The following PCDH15 variants were observed in gnomAD, a reference collection of about 807,000 sequenced individuals.
PCDH15 encodes the protein protocadherin related 15, also known as protocadherin-15.
A neutral mutation model predicts 178.5 loss-of-function variants in PCDH15; 129 were observed. That is an observed-to-expected ratio of 0.72 (90% CI 0.63 to 0.84). The LOEUF (loss-of-function observed/expected upper bound fraction) is 0.84. Among genes scored for constraint, PCDH15 ranks in the 40% least tolerant of loss-of-function variants. PCDH15 has a pLI of 0.00. For synonymous variants in PCDH15, 800 were observed against 732.0 expected (o/e 1.09, Z -1.50); for missense variants, 2,230 against 2,099.9 (o/e 1.06, Z -1.21).
rs1206337816 is a variant in PCDH15 at position 54,245,933 on chromosome 10, A to T, written c.877-9002T>A. Among the ~76,000 whole-genome samples the T allele has an allele frequency of 2.0e-5, 3 of 152,082 alleles. 1 individual carries two copies. The East Asian group carries it at 5.8e-4, about 29-fold the overall frequency. On this transcript the variant is annotated intron_variant, in intron 8 of 37. Transcript: ENST00000644397. ...TTCTTATTCAAGTACAACCTATGAG[A>T]TACCTTCATAAATCAATAGTTCACA...
intron 3 of PCDH15, among the ~76,000 whole-genome samples, chr10:54,516,922 A>G (rs1291219496): frequency 6.6e-6 from 1 of 152,136 alleles, no homozygotes; most frequent in African/African-American, 2.4e-5. Context: ...TCTTAAAGAA[A>G]AGAATTTTCA....
chr10:54,113,018 T>C (rs1438266072), intron 15 of PCDH15, among the ~76,000 whole-genome samples: 2 of 152,280 alleles, frequency 1.3e-5, no homozygotes, highest in South Asian at 2.1e-4. Context: ...TTTCTAGCAC[T>C]CTAAATCCTG....
chr10:55,527,255 T>C lies in PCDH15; in HGVS notation c.-156+100370A>G, dbSNP rs78710624. 3.1e-3 allele frequency among the ~76,000 whole-genome samples: 474 copies of C among 152,174 alleles called. 1 individual carries two copies. Among genetic ancestry groups the C allele is most frequent in the African/African-American group, 0.01 (435 of 41,554 alleles). On this transcript the variant is annotated intron_variant, in intron 2 of 5. Coordinates refer to the PCDH15 transcript ENST00000613346. ...AGAGAAACATATTGTCTCACAGTTC[T>C]GGTGGCTAGAAATCCAAGGTTAAGG...
rs1319697694 is a variant in PCDH15, at chr10:54,307,048, A to G, written c.876+10223T>C. Reference sequence around the variant, plus strand: ...TATATATGTGTGTGTGTGTATATATATATATATATATATATATATATATAT... The same window carrying G: ...TATATATGTGTGTGTGTGTATATATGTATATATATATATATATATATATAT... On this transcript the variant is annotated intron_variant, in intron 8 of 37. Coordinates refer to ENST00000644397, the MANE Select transcript of PCDH15 (RefSeq NM_001384140.1). Among the ~76,000 whole-genome samples the G allele has an allele frequency of 2.5e-3, 22 of 8,814 alleles. 1 individual carries two copies. The highest frequency in any genetic ancestry group is 4.5e-3 in the South Asian group (1 of 222). 5.8% of individuals were successfully genotyped at this position (8,814 alleles called of 152,430 possible). A position where few individuals can be genotyped will look rare whatever the true frequency, so the allele number is the denominator to read the frequency against.
At chr10:55,521,487 A>T (rs902719076) in intron 2 of PCDH15, among the ~76,000 whole-genome samples, 15 of 151,952 alleles carry the variant, frequency 9.9e-5, no homozygotes, top group African/African-American at 3.6e-4. Context: ...ATTCTTTGTA[A>T]GTCATAGGAG....
At chr10:54,569,124 A>C (rs993841522) in intron 2 of PCDH15, among the ~76,000 whole-genome samples, 11 of 151,994 alleles carry the variant, frequency 7.2e-5, no homozygotes, top group Non-Finnish European at 1.5e-4. Context: ...AAAAAGCAAA[A>C]CCCAAGAAAT....
intron 26 of PCDH15, among the ~76,000 whole-genome samples, chr10:53,893,206 G>A (rs954551827): frequency 6.6e-6 from 1 of 152,052 alleles, no homozygotes; most frequent in Non-Finnish European, 1.5e-5. Context: ...CACATTTGAT[G>A]TCACCAGTGA....
At chr10:53,907,779 G>A (rs1465643012) in intron 25 of PCDH15, among the ~76,000 whole-genome samples, 1 of 152,110 alleles carries the variant, frequency 6.6e-6, no homozygotes, top group Non-Finnish European at 1.5e-5. Flanking sequence ...GTAAGTCTTA[G>A]TATAGTTACC....
chr10:54,128,609 A>T (rs2042172703), intron 15 of PCDH15, among the ~76,000 whole-genome samples: 1 of 152,162 alleles, frequency 6.6e-6, no homozygotes, highest in South Asian at 2.1e-4. Flanking sequence ...CAACAATTTC[A>T]ACCTCACCTA....
chr10:55,277,409 T>C (rs1470140495), intron 1 of PCDH15, among the ~76,000 whole-genome samples: 3 of 152,136 alleles, frequency 2.0e-5, no homozygotes, highest in Non-Finnish European at 4.4e-5. Context: ...ATCCACATTT[T>C]TCAGTTTGGG....
At chr10:55,445,044 GAAA>G (rs1265974248) in intron 2 of PCDH15, among the ~76,000 whole-genome samples, 1 of 151,934 alleles carries the variant, frequency 6.6e-6, no homozygotes, top group Non-Finnish European at 1.5e-5. Context: ...GGATTGACTG[GAAA>G]ATTAAATATG....
intron 2 of PCDH15, among the ~76,000 whole-genome samples, chr10:55,561,939 AT>A (rs1036679015): frequency 2.0e-5 from 3 of 152,008 alleles, no homozygotes; most frequent in African/African-American, 7.2e-5. Context: ...TCGTTTTATG[AT>A]TTTTTAGTCT....
intron 2 of PCDH15, among the ~76,000 whole-genome samples, chr10:54,628,322 G>A (rs1051101001): frequency 2.6e-5 from 4 of 152,138 alleles, no homozygotes; most frequent in African/African-American, 9.7e-5. Context: ...CATATTTCCT[G>A]ATTTTTTGAA....
intron 1 of PCDH15, among the ~76,000 whole-genome samples, chr10:55,270,742 C>T (rs1413238489): frequency 2.0e-5 from 3 of 152,118 alleles, no homozygotes; most frequent in Non-Finnish European, 4.4e-5. Context: ...GGAGATTTCT[C>T]AAAGAGCTTA....
intron 2 of PCDH15, among the ~76,000 whole-genome samples, chr10:55,074,402 A>G (rs1329072941): frequency 6.6e-6 from 1 of 152,100 alleles, no homozygotes; most frequent in African/African-American, 2.4e-5. Context: ...AATAATCACC[A>G]TTCTGACTGG....
At chr10:54,105,317 T>TATATATAC (rs1233590982) in intron 15 of PCDH15, among the ~76,000 whole-genome samples, 51 of 91,590 alleles carry the variant, frequency 5.6e-4, no homozygotes, top group Non-Finnish European at 8.5e-4. Flanking sequence ...TATATATATA[T>TATATATAC]ACACACACAC....
intron 2 of PCDH15, among the ~76,000 whole-genome samples, chr10:54,588,477 G>A (rs2091652762): frequency 6.6e-6 from 1 of 152,098 alleles, no homozygotes; most frequent in African/African-American, 2.4e-5. Flanking sequence ...ATGAAATGTG[G>A]GAGTTTTTCA....
chr10:54,170,635 C>T (rs1336307675), intron 13 of PCDH15, among the ~76,000 whole-genome samples: 1 of 151,592 alleles, frequency 6.6e-6, no homozygotes, highest in Non-Finnish European at 1.5e-5. Context: ...TTCCTGATAC[C>T]ACACCTGACC....
chr10:55,113,288 G>A (rs1303774578), intron 2 of PCDH15, among the ~76,000 whole-genome samples: 2 of 151,838 alleles, frequency 1.3e-5, no homozygotes, highest in Non-Finnish European at 2.9e-5. Context: ...TTTCCCTAAT[G>A]TCCTTTCCCT....
Sources: gnomAD v4.1 joint callset for allele counts (sites outside exome capture counted in the v4.1 genomes callset) on GRCh38, gnomAD v4.1.1 for gene constraint, MANE v1.5 for transcripts, NCBI Gene and HGNC (gene_info 2026-07-23, HGNC 2026-07-21) for gene names.